The following MRPL24 variants were observed in gnomAD, a reference collection of about 807,000 sequenced individuals.
MRPL24 encodes large ribosomal subunit protein uL24m.
MRPL24 carries 15 observed loss-of-function variants against 26.9 expected under a neutral mutation model. That is an observed-to-expected ratio of 0.56 (90% CI 0.37 to 0.86). The LOEUF is 0.86. Among genes scored for constraint, MRPL24 ranks in the 40% least tolerant of loss-of-function variants. The pLI is 0.00. For synonymous variants in MRPL24, 92 were observed against 102.4 expected (o/e 0.90, Z 0.62); for missense variants, 241 against 281.4 (o/e 0.86, Z 1.03).
At position 156,738,614 on chromosome 1, in the gene MRPL24, C is replaced by G. The variant is rs1248892057; in HGVS notation, c.91G>C (p.Asp31His). Reference protein sequence around the residue: ...YGMSPPGSVADKRKNPPWIRR... With the variant: ...YGMSPPGSVAHKRKNPPWIRR... The stretch of plus-strand genomic sequence containing the variant: ...ATCCATGGGGGGTTCTTCCTCTTGT[C>G]TGCAACAGAGCCTGGGGGGCTCATC... The change falls in exon 2 of 6, where the codon GAC (aspartate) becomes CAC (histidine). Residue 31 changes from aspartate (D) to histidine (H), a missense_variant. Asp to His is a moderately conservative substitution (Grantham distance 81). Coordinates refer to ENST00000361531, the MANE Select transcript of MRPL24 (RefSeq NM_145729.3). 1.2e-6 allele frequency: 2 copies of G among 1,613,038 alleles called. No homozygotes were observed. The highest frequency in any genetic ancestry group is 1.7e-6 in the Non-Finnish European group (2 of 1,179,588).
Position 156,738,153 on chromosome 1 carries a change from T to C in MRPL24, c.280-19A>G, listed in dbSNP as rs754942192. On this transcript the variant is annotated intron_variant, in intron 3 of 5. Transcript: ENST00000361531. ...GGTAATGCTGTCCAAGAGAGGGGAG[T>C]GTCAGAAAGCACGGGGTGTGAAAGG... 8.7e-6 allele frequency: 14 copies of C among 1,612,060 alleles called. No homozygotes were observed. Among genetic ancestry groups the C allele is most frequent in the Non-Finnish European group, 1.2e-5 (14 of 1,178,492 alleles).
intron 4 of MRPL24, 39 bp from the exon 5 acceptor site, chr1:156,737,815 G>T (rs532546775): frequency 3.7e-6 from 6 of 1,607,750 alleles, no homozygotes; most frequent in South Asian, 3.3e-5. Flanking sequence ...TACGAGCCAG[G>T]CTTCCTGCCA....
At chr1:156,741,721 A>G (rs1650127525), upstream of MRPL24, 1 of 152,212 alleles carries the variant, frequency 6.6e-6, no homozygotes, top group Admixed American at 6.5e-5. Flanking sequence ...CCCTAGCATT[A>G]GCAAGGAGAA....
rs996693419 is a variant in MRPL24, at chr1:156,738,601, T to C, written c.104A>G (p.Asn35Ser). The change falls in exon 2 of 6, where the codon AAC becomes AGC. Residue 35 changes from asparagine to serine, a missense_variant. Coordinates refer to ENST00000361531, the MANE Select transcript of MRPL24 (RefSeq NM_145729.3). ...PPGSVADKRKNPPWIRRRPVV... is the reference protein window; with the variant it reads ...PPGSVADKRKSPPWIRRRPVV... ...TGGGCGCCGCCTGATCCATGGGGGG[T>C]TCTTCCTCTTGTCTGCAACAGAGCC... The C allele has an allele frequency of 4.3e-6, 7 of 1,612,716 alleles. No homozygotes were observed. The highest frequency in any genetic ancestry group is 1.3e-5 in the African/African-American group (1 of 74,574).
In MRPL24 at chr1:156,738,378, G is replaced by A; in HGVS notation, c.244C>T (p.Gln82Ter). 1 of 1,614,104 alleles carries A rather than the reference G, an allele frequency of 6.2e-7. No individual in the cohort carries two copies. Among genetic ancestry groups the A allele is most frequent in the Non-Finnish European group, 8.5e-7 (1 of 1,180,034 alleles). The change falls in exon 3 of 6, where the codon CAG becomes TAG. Residue 82 changes from glutamine to a stop codon, truncating the protein, a stop_gained. Coordinates refer to ENST00000361531, the MANE Select transcript of MRPL24 (RefSeq NM_145729.3). LOFTEE classifies it high-confidence loss of function. The part of the protein sequence containing the change: ...KQGKVVQVIR[Q>*]RNWVVVGGLN... Reference sequence around the variant, plus strand: ...CCTCCCACGACCACCCAGTTTCGCTGCCGGATAACTTGAACCACTTTGCCC... The same window carrying A: ...CCTCCCACGACCACCCAGTTTCGCTACCGGATAACTTGAACCACTTTGCCC...
In MRPL24 at chr1:156,738,687, C is replaced by G. The variant is rs531368371; in HGVS notation, c.18G>C (p.Leu6=). 18 of 1,588,844 alleles carry G rather than the reference C, an allele frequency of 1.1e-5. No homozygotes were observed. The Admixed American group carries it at 1.6e-4, about 14-fold the overall frequency. ...GAGTGACCTTGGATGCCAAGGCCAG[C>G]AGGGCAGAAAGACGCATGCCTGGAG... MRLSA[L]LALASKVTLP... The change falls in exon 2 of 6, where the codon CTG becomes CTC. Residue 6 remains leucine, a synonymous_variant. Transcript: ENST00000361531.
At chr1:156,737,965 C>T in intron 4 of MRPL24, 66 bp downstream of exon 4, 1 of 1,515,914 alleles carries the variant, frequency 6.6e-7, no homozygotes, top group Non-Finnish European at 9.1e-7. Flanking sequence ...ACCCACCATT[C>T]CCATTGGACA....
rs376210290 is a variant in MRPL24 at position 156,737,782 on chromosome 1, G to A, written c.384-6C>T. The A allele has an allele frequency of 5.6e-6, 9 of 1,613,870 alleles. No individual in the cohort carries two copies. Among genetic ancestry groups the A allele is most frequent in the Non-Finnish European group, 7.6e-6 (9 of 1,179,976 alleles). ...ACTCGATCTCAGTGGGTTTCCTGGT[G>A]GATAGAAGAGGTGAGCCTGGCCTAC... is the stretch of plus-strand genomic sequence containing the variant. On this transcript the variant is annotated splice_polypyrimidine_tract_variant and splice_region_variant and intron_variant, in intron 4 of 5. Transcript: ENST00000361531.
In MRPL24 at chr1:156,738,011, C is replaced by T; in HGVS notation, c.383+20G>A. 6.2e-7 allele frequency: 1 copy of T among 1,610,566 alleles called. No individual in the cohort carries two copies. Among genetic ancestry groups the T allele is most frequent in the South Asian group, 1.1e-5 (1 of 90,910 alleles). On this transcript the variant is annotated intron_variant, in intron 4 of 5. Transcript: ENST00000361531. ...GACCCAGAGGGTGAGAAACCCTCTG[C>T]CCAGAGCCCCGTTGCTTGCCTGTCC...
chr1:156,740,327 C>T (rs1192711749), intron 1 of MRPL24: 2 of 151,882 alleles, frequency 1.3e-5, no homozygotes, highest in Non-Finnish European at 2.9e-5. Context: ...AGTATAAAGG[C>T]CTGATGTTAT....
Position 156,737,371 on chromosome 1 carries a change from T to C in MRPL24, c.*27A>G. On this transcript the variant is annotated 3_prime_UTR_variant, in exon 6 of 6. Transcript: ENST00000361531. Reference sequence around the variant, plus strand: ...TCAGCCTTCAAGGCTGGGACAGAAGTTGGGGAGGAGCTGCTCTGCCCCAGG... The same window carrying C: ...TCAGCCTTCAAGGCTGGGACAGAAGCTGGGGAGGAGCTGCTCTGCCCCAGG... The C allele has an allele frequency of 2.0e-6, 3 of 1,537,598 alleles. No individual in the cohort carries two copies. Among genetic ancestry groups the C allele is most frequent in the South Asian group, 1.3e-5 (1 of 77,092 alleles).
chr1:156,737,579 C>T, intron 5 of MRPL24, 45 bp from the exon 6 acceptor site: 1 of 1,604,736 alleles, frequency 6.2e-7, no homozygotes. Context: ...GGCTTGCCAA[C>T]TTTCATTAAT....
Position 156,738,617 on chromosome 1 carries a change from C to CA in MRPL24, c.87dup (p.Ala30CysfsTer22), listed in dbSNP as rs1293544685. ...CATGGGGGGTTCTTCCTCTTGTCTG[C>CA]AACAGAGCCTGGGGGGCTCATCCCA... On this transcript the variant is annotated frameshift_variant, in exon 2 of 6. Coordinates refer to ENST00000361531, the MANE Select transcript of MRPL24 (RefSeq NM_145729.3). LOFTEE classifies it high-confidence loss of function. The CA allele has an allele frequency of 6.2e-7, 1 of 1,612,812 alleles. No homozygotes were observed.
In MRPL24 at chr1:156,737,774, T is replaced by C; in HGVS notation, c.386A>G (p.Lys129Arg). ...AAATCTCCACTCGATCTCAGTGGGT[T>C]TCCTGGTGGATAGAAGAGGTGAGCC... ...QVKLVDPMDRKPTEIEWRFTE... is the reference protein window; with the variant it reads ...QVKLVDPMDRRPTEIEWRFTE... Residue 129 changes from lysine to arginine, a missense_variant and splice_region_variant, in exon 5 of 6, where the codon AAA becomes AGA. By Grantham distance (26) the Lys-to-Arg change is conservative. Coordinates refer to ENST00000361531, the MANE Select transcript of MRPL24 (RefSeq NM_145729.3). 2 of 1,614,124 alleles carry C rather than the reference T, an allele frequency of 1.2e-6. No individual in the cohort carries two copies. Among genetic ancestry groups the C allele is most frequent in the Non-Finnish European group, 1.7e-6 (2 of 1,180,008 alleles).
At chr1:156,741,281 G>C (rs1374918820), upstream of MRPL24, 1 of 152,268 alleles carries the variant, frequency 6.6e-6, no homozygotes, top group Non-Finnish European at 1.5e-5. Flanking sequence ...CATGAAGCAT[G>C]TCGGGAATCG....
chr1:156,738,302 G>A, intron 3 of MRPL24, 41 bp downstream of exon 3: 1 of 1,595,414 alleles, frequency 6.3e-7, no homozygotes, highest in South Asian at 1.1e-5. Context: ...GGACAGATGA[G>A]ACAGGCTTCC....
intron 1 of MRPL24, chr1:156,740,372 A>AC (rs397768836): frequency 6.6e-6 from 1 of 151,708 alleles, no homozygotes; most frequent in African/African-American, 2.4e-5. Context: ...ACAAAAAAAA[A>AC]CCCCACCTGT....
chr1:156,740,926 C>A (rs1183404571), intron 1 of MRPL24, 86 bp downstream of exon 1: 1 of 152,304 alleles, frequency 6.6e-6, no homozygotes, highest in African/African-American at 2.4e-5. Context: ...GTCTTCAGCA[C>A]CCACCCGCTC....
Position 156,738,055 on chromosome 1 carries a change from A to T in MRPL24, c.359T>A (p.Val120Asp). ...CCTGTCCATAGGATCCACAAGTTTG[A>T]CCTGGCGGTGGAGCAAGGGGGCTTC... ...PSEAPLLHRQ[V>D]KLVDPMDRKP... The change falls in exon 4 of 6, where the codon GTC becomes GAC. Residue 120 changes from valine to aspartate, a missense_variant. Physicochemically the swap from Val to Asp is radical, Grantham distance 152 (BLOSUM62 -3). Coordinates refer to ENST00000361531, the MANE Select transcript of MRPL24 (RefSeq NM_145729.3). 1.2e-6 allele frequency: 2 copies of T among 1,614,076 alleles called. No individual in the cohort carries two copies. The highest frequency in any genetic ancestry group is 1.7e-6 in the Non-Finnish European group (2 of 1,180,004).
Sources: allele counts gnomAD v4.1 joint callset, GRCh38; gene constraint gnomAD v4.1.1; transcripts MANE v1.5; gene names NCBI Gene and HGNC (gene_info 2026-07-23, HGNC 2026-07-21).